ADGRL3: variants seen among roughly 807,000 people sequenced by gnomAD.
The protein encoded by ADGRL3 is calcium-independent alpha-latrotoxin receptor 3.
ADGRL3 carries 62 observed loss-of-function variants against 153.5 expected under a neutral mutation model. That is an observed-to-expected ratio of 0.40 (90% CI 0.33 to 0.50). ADGRL3 has a LOEUF of 0.50. ADGRL3 is among the 20% of genes least tolerant of loss of function. ADGRL3 has a pLI of 0.47. For synonymous variants in ADGRL3, 710 were observed against 672.5 expected, an observed-to-expected ratio of 1.06 and a Z score of -0.86; for missense variants, 1,641 against 1,859.4, an observed-to-expected ratio of 0.88 and a Z score of 2.16.
At chr4:61,644,268 G>GATTTTTTT (rs534607455) in intron 5 of ADGRL3, among the ~76,000 whole-genome samples, 1,934 of 145,544 alleles carry the variant, frequency 0.013, 29 homozygotes, top group South Asian at 0.02. Context: ...TTTTTGAAGG[G>GATTTTTTT]TTTTTTGTGT....
rs563020966 is a variant in ADGRL3, at chr4:61,223,904, G to GT, written c.-240+22140dup. ...GAATTATGAGTTTATAAAATGCTAG[G>GT]TAAGTGTCTTTATATTTGTTAACTG... On this transcript the variant is annotated intron_variant, in intron 1 of 26. Coordinates refer to ENST00000683033, the MANE Select transcript of ADGRL3 (RefSeq NM_001387552.1). 3.1e-3 allele frequency among the ~76,000 whole-genome samples: 472 copies of GT among 152,158 alleles called. 6 individuals carry two copies. The highest frequency in any genetic ancestry group is 0.011 in the African/African-American group (440 of 41,516).
chr4:61,932,929 G>A (rs1179876433), intron 13 of ADGRL3, among the ~76,000 whole-genome samples: 3 of 151,698 alleles, frequency 2.0e-5, no homozygotes, highest in Non-Finnish European at 2.9e-5. Flanking sequence ...GAACATTCTC[G>A]GAGTTGACCA....
At chr4:61,919,362 C>T (rs1390965351) in intron 13 of ADGRL3, among the ~76,000 whole-genome samples, 1 of 152,148 alleles carries the variant, frequency 6.6e-6, no homozygotes, top group African/African-American at 2.4e-5. Context: ...ACCCTGTGAA[C>T]TTAATATATT....
At chr4:61,231,755 TCCTTTGGGTCCAACCAGCCTCCCGGC>T (rs1750755269) in intron 1 of ADGRL3, among the ~76,000 whole-genome samples, 6 of 152,158 alleles carry the variant, frequency 3.9e-5, no homozygotes, top group African/African-American at 1.2e-4. Flanking sequence ...CTTCATTTTA[TCCTTTGGGTCCAACCAGCCTCCCGGC>T]ACGTGGTAAG....
At chr4:62,017,832 T>G (rs568901335) in intron 21 of ADGRL3, among the ~76,000 whole-genome samples, 2 of 152,276 alleles carry the variant, frequency 1.3e-5, no homozygotes, top group Admixed American at 1.3e-4. Flanking sequence ...AGTAACCCTT[T>G]GTTGAGCATT....
At chr4:61,764,879 G>A (rs1029748446) in intron 8 of ADGRL3, among the ~76,000 whole-genome samples, 1 of 151,530 alleles carries the variant, frequency 6.6e-6, no homozygotes, top group African/African-American at 2.4e-5. Flanking sequence ...GAGGTCTTGT[G>A]GTAAGGGGTG....
chr4:62,009,609 C>T (rs1039167490), intron 21 of ADGRL3, among the ~76,000 whole-genome samples: 1 of 152,008 alleles, frequency 6.6e-6, no homozygotes, highest in Non-Finnish European at 1.5e-5. Flanking sequence ...TTAACATTTT[C>T]TTTTTTAAGC....
chr4:61,745,566 A>G (rs2096645974), intron 8 of ADGRL3, among the ~76,000 whole-genome samples: 1 of 152,186 alleles, frequency 6.6e-6, no homozygotes, highest in Non-Finnish European at 1.5e-5. Context: ...AACATTCTTA[A>G]AGAAAAGAAT....
intron 5 of ADGRL3, among the ~76,000 whole-genome samples, chr4:61,644,854 C>T (rs2093886805): frequency 1.3e-5 from 2 of 151,890 alleles, no homozygotes; most frequent in South Asian, 4.2e-4. Context: ...GACTTTCTGT[C>T]TCGTTGATCT....
At chr4:61,495,553 A>T (rs924176677) in intron 2 of ADGRL3, among the ~76,000 whole-genome samples, 1 of 151,902 alleles carries the variant, frequency 6.6e-6, no homozygotes, top group Admixed American at 6.6e-5. Flanking sequence ...GAAGGAAGGA[A>T]GGCCCAATTT....
intron 2 of ADGRL3, among the ~76,000 whole-genome samples, chr4:61,447,291 G>T (rs548057656): frequency 2.1e-4 from 32 of 152,170 alleles, no homozygotes; most frequent in African/African-American, 7.7e-4. Flanking sequence ...CCTGCACTTT[G>T]TATTTTATAA....
chr4:61,418,008 G>A (rs1033684031), intron 2 of ADGRL3, among the ~76,000 whole-genome samples: 2 of 152,158 alleles, frequency 1.3e-5, no homozygotes, highest in Non-Finnish European at 2.9e-5. Context: ...GGGAGGAGAG[G>A]CTTCTGTGGC....
chr4:61,998,447 A>C (rs1303763515), intron 21 of ADGRL3, among the ~76,000 whole-genome samples, 182 bp downstream of exon 21: 1 of 152,142 alleles, frequency 6.6e-6, no homozygotes, highest in Non-Finnish European at 1.5e-5. Flanking sequence ...AGTATAATAG[A>C]GTTCTGTTTT....
intron 8 of ADGRL3, among the ~76,000 whole-genome samples, chr4:61,749,424 G>A (rs945041808): frequency 2.0e-5 from 3 of 152,160 alleles, no homozygotes; most frequent in East Asian, 1.9e-4. Context: ...TGTTTATTGT[G>A]GCACTATGCA....
chr4:61,915,332 A>G (rs1581441531), intron 13 of ADGRL3, among the ~76,000 whole-genome samples: 1 of 149,454 alleles, frequency 6.7e-6, no homozygotes, highest in East Asian at 1.9e-4. Context: ...ATATATCTAT[A>G]TATGACCTAT....
intron 1 of ADGRL3, among the ~76,000 whole-genome samples, chr4:61,371,053 C>T (rs1247465770): frequency 6.6e-6 from 1 of 150,400 alleles, no homozygotes; most frequent in African/African-American, 2.4e-5. Flanking sequence ...GGATTGCAAC[C>T]CCTGCCTTTT....
intron 1 of ADGRL3, among the ~76,000 whole-genome samples, chr4:61,215,429 A>C (rs528069784): frequency 3.3e-5 from 5 of 152,274 alleles, no homozygotes; most frequent in African/African-American, 1.2e-4. Context: ...GGAATCTTGA[A>C]AGCCAGACTC....
chr4:61,232,172 G>T (rs570677590), intron 1 of ADGRL3, among the ~76,000 whole-genome samples: 58 of 152,172 alleles, frequency 3.8e-4, no homozygotes, highest in African/African-American at 1.3e-3. Flanking sequence ...AAGAGTAAAT[G>T]ATCAAATTTT....
intron 9 of ADGRL3, among the ~76,000 whole-genome samples, chr4:61,876,421 G>A (rs2098475586): frequency 1.3e-5 from 2 of 151,900 alleles, no homozygotes. Context: ...CTGGCTAGTG[G>A]TATAAAATAT....
Sources: gnomAD v4.1 joint callset for allele counts (sites outside exome capture counted in the v4.1 genomes callset) on GRCh38, gnomAD v4.1.1 for gene constraint, MANE v1.5 for transcripts, NCBI Gene and HGNC (gene_info 2026-07-23, HGNC 2026-07-21) for gene names.